MED13L: variants seen among roughly 807,000 people sequenced by gnomAD.
The protein encoded by MED13L is mediator complex subunit 13L.
A neutral mutation model predicts 220.9 loss-of-function variants in MED13L; 7 were observed. The observed-to-expected ratio is 0.03, with a 90% CI of 0.02 to 0.06. The LOEUF (loss-of-function observed/expected upper bound fraction) is 0.06. Ranked by LOEUF, MED13L falls within the 10% of genes least tolerant of loss-of-function variation. The pLI is 1.00. For missense variants in MED13L, 1,965 were observed against 2,760.5 expected, an observed-to-expected ratio of 0.71 and a Z score of 6.46; for synonymous variants, 1,011 against 1,015.2, an observed-to-expected ratio of 1.00 and a Z score of 0.08.
At chr12:116,276,696 G>A in intron 1 of MED13L, 3 of 1,106,086 alleles carry the variant, frequency 2.7e-6, no homozygotes, top group Non-Finnish European at 3.4e-6. Flanking sequence ...ACAAGGCAAA[G>A]CCTTCCACAT....
intron 26 of MED13L, 89 bp downstream of exon 26, chr12:115,971,989 G>A: frequency 7.1e-7 from 1 of 1,402,472 alleles, no homozygotes; most frequent in Non-Finnish European, 9.9e-7. Flanking sequence ...ATATAATGAA[G>A]ACAATTCTAC....
intron 4 of MED13L, among the ~76,000 whole-genome samples, chr12:116,065,727 C>T (rs1869869540): frequency 6.6e-6 from 1 of 152,188 alleles, no homozygotes; most frequent in Non-Finnish European, 1.5e-5. Context: ...AAGTCTTCTA[C>T]TTTGCTGTTT....
At chr12:116,250,177 T>C (rs1281085761) in intron 1 of MED13L, among the ~76,000 whole-genome samples, 1 of 151,914 alleles carries the variant, frequency 6.6e-6, no homozygotes, top group African/African-American at 2.4e-5. Context: ...TACAGACTTC[T>C]CATCTGAAAA....
At chr12:116,066,377 C>T (rs1869928209) in intron 4 of MED13L, among the ~76,000 whole-genome samples, 2 of 152,156 alleles carry the variant, frequency 1.3e-5, no homozygotes, top group South Asian at 2.1e-4. Flanking sequence ...ACACCTTGTA[C>T]AGGTAAACAG....
intron 4 of MED13L, among the ~76,000 whole-genome samples, chr12:116,038,568 G>C (rs767116923): frequency 1.3e-4 from 19 of 151,952 alleles, no homozygotes; most frequent in African/African-American, 4.6e-4. Context: ...TGGAATTCTT[G>C]CCAGCTTGAA....
chr12:116,250,767 ACTC>A (rs1048918417), intron 1 of MED13L, among the ~76,000 whole-genome samples: 3 of 127,236 alleles, frequency 2.4e-5, no homozygotes, highest in African/African-American at 9.3e-5. Flanking sequence ...ACAGAGCGAG[ACTC>A]CTCCTCAAAA....
rs528110311 is a variant in MED13L at position 116,146,969 on chromosome 12, A to G, written c.311-35457T>C. 4.7e-4 allele frequency among the ~76,000 whole-genome samples: 71 copies of G among 152,326 alleles called. 2 individuals carry two copies. The South Asian group carries it at 0.014, about 31-fold the overall frequency. On this transcript the variant is annotated intron_variant, in intron 2 of 30. Transcript: ENST00000281928. Reference sequence around the variant, plus strand: ...ATACACAAAAAACTACCAAATATTTATCTAGTAAAACAAAAACAACTACTC... The same window carrying G: ...ATACACAAAAAACTACCAAATATTTGTCTAGTAAAACAAAAACAACTACTC...
chr12:116,257,503 G>A (rs1872159418), intron 1 of MED13L, among the ~76,000 whole-genome samples: 1 of 152,206 alleles, frequency 6.6e-6, no homozygotes, highest in African/African-American at 2.4e-5. Flanking sequence ...GATGACTGGA[G>A]TCTGAATAGC....
intron 30 of MED13L, among the ~76,000 whole-genome samples, chr12:115,962,054 T>C (rs1875800578): frequency 6.6e-6 from 1 of 152,194 alleles, no homozygotes; most frequent in African/African-American, 2.4e-5. Flanking sequence ...GAAATAACAT[T>C]TTGAGTATAT....
chr12:116,147,879 G>C (rs1316801485), intron 2 of MED13L, among the ~76,000 whole-genome samples: 6 of 151,230 alleles, frequency 4.0e-5, no homozygotes, highest in Admixed American at 2.0e-4. Context: ...TAAAAGATGA[G>C]GTTTTTTTAA....
At chr12:116,225,916 AAG>A (rs1345331605) in intron 2 of MED13L, among the ~76,000 whole-genome samples, 4 of 152,218 alleles carry the variant, frequency 2.6e-5, no homozygotes, top group African/African-American at 9.6e-5. Flanking sequence ...ATTTTTAAAA[AAG>A]AAAATATTTT....
At chr12:116,207,584 G>A (rs1187124924) in intron 2 of MED13L, among the ~76,000 whole-genome samples, 1 of 152,154 alleles carries the variant, frequency 6.6e-6, no homozygotes, top group Non-Finnish European at 1.5e-5. Context: ...ATTGATGGCA[G>A]TGTTGTTATT....
intron 1 of MED13L, among the ~76,000 whole-genome samples, chr12:116,246,665 C>T (rs1314530872): frequency 2.8e-5 from 4 of 143,750 alleles, no homozygotes; most frequent in African/African-American, 1.0e-4. Flanking sequence ...ACAGACACAG[C>T]TGAAGCATTG....
At chr12:116,134,662 C>G (rs533997157) in intron 2 of MED13L, among the ~76,000 whole-genome samples, 3 of 152,018 alleles carry the variant, frequency 2.0e-5, no homozygotes, top group Non-Finnish European at 4.4e-5. Context: ...CTGTTAAATG[C>G]AAGTTAAATG....
chr12:116,265,237 A>G (rs936410826), intron 1 of MED13L, among the ~76,000 whole-genome samples: 1 of 152,242 alleles, frequency 6.6e-6, no homozygotes, highest in Non-Finnish European at 1.5e-5. Context: ...AGAGAAAGCA[A>G]ATTAGATTGT....
chr12:115,979,086 G>A (rs772346406), intron 23 of MED13L, among the ~76,000 whole-genome samples: 30 of 152,174 alleles, frequency 2.0e-4, no homozygotes, highest in Admixed American at 5.2e-4. Flanking sequence ...CTGAGGCAGA[G>A]GCAGCATTGA....
chr12:116,114,095 C>T (rs1011197623), intron 2 of MED13L, among the ~76,000 whole-genome samples: 1 of 152,130 alleles, frequency 6.6e-6, no homozygotes, highest in Non-Finnish European at 1.5e-5. Context: ...TGATCAAGTA[C>T]AGCCCTTTTC....
intron 2 of MED13L, among the ~76,000 whole-genome samples, chr12:116,145,440 C>A (rs1877399678): frequency 6.6e-6 from 1 of 152,144 alleles, no homozygotes; most frequent in Non-Finnish European, 1.5e-5. Flanking sequence ...TTTCCTGCTT[C>A]TATACAGTTG....
intron 2 of MED13L, among the ~76,000 whole-genome samples, chr12:116,159,966 T>C (rs1480478828): frequency 6.6e-6 from 1 of 151,456 alleles, no homozygotes; most frequent in Non-Finnish European, 1.5e-5. Context: ...CATCTCTTTG[T>C]CCCATTTAAG....
Sources: gnomAD v4.1 joint callset for allele counts (sites outside exome capture counted in the v4.1 genomes callset) on GRCh38, gnomAD v4.1.1 for gene constraint, MANE v1.5 for transcripts, NCBI Gene and HGNC (gene_info 2026-07-23, HGNC 2026-07-21) for gene names.